The following GNAQ variants were observed in gnomAD, a reference collection of about 807,000 sequenced individuals.
GNAQ encodes the protein G protein subunit alpha q, also known as guanine nucleotide-binding protein G(q) subunit alpha.
A neutral mutation model predicts 43.9 loss-of-function variants in GNAQ; 8 were observed. That is an observed-to-expected ratio of 0.18 (90% CI 0.11 to 0.33). The LOEUF is 0.33. Ranked by LOEUF, GNAQ falls within the 10% of genes least tolerant of loss-of-function variation. The pLI is 1.00. For synonymous variants in GNAQ, 155 were observed against 170.7 expected, an observed-to-expected ratio of 0.91 and a Z score of 0.71; for missense variants, 158 against 450.8, an observed-to-expected ratio of 0.35 and a Z score of 5.88.
At chr9:77,905,328 T>C (rs1828687957) in intron 2 of GNAQ, among the ~76,000 whole-genome samples, 1 of 152,202 alleles carries the variant, frequency 6.6e-6, no homozygotes, top group Non-Finnish European at 1.5e-5. Flanking sequence ...AATAATCTGA[T>C]TAAAATCAGA....
chr9:77,953,258 T>C (rs1198843777), intron 1 of GNAQ, among the ~76,000 whole-genome samples: 2 of 152,248 alleles, frequency 1.3e-5, no homozygotes, highest in African/African-American at 4.8e-5. Context: ...CAGGTCTATT[T>C]ACACAAGTTC....
intron 1 of GNAQ, among the ~76,000 whole-genome samples, chr9:77,991,124 A>G (rs2118521619): frequency 6.6e-6 from 1 of 152,352 alleles, no homozygotes; most frequent in African/African-American, 2.4e-5. Flanking sequence ...CTGTTTCTAT[A>G]CCAGTTTGAG....
chr9:77,809,197 C>T (rs186393097), intron 3 of GNAQ, among the ~76,000 whole-genome samples: 53 of 152,280 alleles, frequency 3.5e-4, no homozygotes, highest in African/African-American at 6.7e-4. Flanking sequence ...ATGTTCTTTA[C>T]GGGCTCCGGA....
At chr9:77,942,847 G>C (rs1470161335) in intron 1 of GNAQ, among the ~76,000 whole-genome samples, 1 of 152,114 alleles carries the variant, frequency 6.6e-6, no homozygotes, top group East Asian at 1.9e-4. Context: ...TTATCTTTTT[G>C]TCTGTATTTT....
intron 3 of GNAQ, among the ~76,000 whole-genome samples, chr9:77,809,591 G>T (rs1826881761): frequency 6.6e-6 from 1 of 152,100 alleles, no homozygotes; most frequent in Non-Finnish European, 1.5e-5. Flanking sequence ...CAACTCCCTA[G>T]GATCTTAGAA....
intron 1 of GNAQ, among the ~76,000 whole-genome samples, chr9:77,942,088 A>G (rs1383328253): frequency 1.5e-4 from 23 of 152,232 alleles, no homozygotes; most frequent in Non-Finnish European, 2.9e-5. Flanking sequence ...TTAAAATGGT[A>G]TATTTTGTAA....
chr9:77,940,268 TAACA>T (rs1315646498), intron 1 of GNAQ, among the ~76,000 whole-genome samples: 1 of 152,146 alleles, frequency 6.6e-6, no homozygotes. Flanking sequence ...TGAACTCCCA[TAACA>T]AACAATCCTT....
At position 77,777,850 on chromosome 9, in the gene GNAQ, G is replaced by A. The variant is rs561372076; in HGVS notation, c.735+16613C>T. Among the ~76,000 whole-genome samples, 87 of 152,014 alleles carry A rather than the reference G, an allele frequency of 5.7e-4. No individual in the cohort carries two copies. In the South Asian group the frequency reaches 0.013, roughly 23 times the overall value. ...GGCTAGCATAAGGAGAAACTGGAAC[G>A]CTAACACATTGCTGGTAGGACTGTA... On this transcript the variant is annotated intron_variant, in intron 5 of 6. Transcript: ENST00000286548.
chr9:77,759,804 C>T (rs1825960492), intron 5 of GNAQ, among the ~76,000 whole-genome samples: 1 of 152,188 alleles, frequency 6.6e-6, no homozygotes, highest in South Asian at 2.1e-4. Flanking sequence ...GCTCAGTTTT[C>T]TGAGCCTTTT....
chr9:77,969,851 C>A (rs1349091674), intron 1 of GNAQ, among the ~76,000 whole-genome samples: 1 of 152,144 alleles, frequency 6.6e-6, no homozygotes, highest in Non-Finnish European at 1.5e-5. Context: ...GCATGCATTC[C>A]GTAGACACAG....
chr9:77,719,863 T>A lies in GNAQ; in HGVS notation c.*1460A>T, dbSNP rs2118185210. 1 of 232,526 alleles carries A rather than the reference T, an allele frequency of 4.3e-6. No homozygotes were observed. Among genetic ancestry groups the A allele is most frequent in the Admixed American group, 5.6e-5 (1 of 17,756 alleles). The allele number at this position is 232,526 out of a possible 1,614,324, so 14.4% of individuals were successfully genotyped here. On this transcript the variant is annotated 3_prime_UTR_variant, in exon 7 of 7. Transcript: ENST00000286548. ...GTTACTTTTGAGTTAAGTCCACAAA[T>A]CTTCCATAAGTTCAACCTAATCAGT... is the stretch of plus-strand genomic sequence containing the variant.
chr9:77,753,103 A>AG (rs1825840995), intron 5 of GNAQ, among the ~76,000 whole-genome samples: 2 of 150,532 alleles, frequency 1.3e-5, no homozygotes, highest in Admixed American at 6.6e-5. Flanking sequence ...AAAAAAAAAA[A>AG]AAAGAAAAAG....
At chr9:77,955,030 C>T (rs1823025621) in intron 1 of GNAQ, among the ~76,000 whole-genome samples, 1 of 152,178 alleles carries the variant, frequency 6.6e-6, no homozygotes, top group South Asian at 2.1e-4. Flanking sequence ...AGATCATAAG[C>T]CTGAAGTAGT....
At chr9:77,900,289 A>C (rs572863735) in intron 2 of GNAQ, among the ~76,000 whole-genome samples, 1 of 152,216 alleles carries the variant, frequency 6.6e-6, no homozygotes, top group African/African-American at 2.4e-5. Context: ...ACACAGTCAA[A>C]AAAGATCCTT....
At chr9:77,881,014 A>G (rs1828199025) in intron 2 of GNAQ, among the ~76,000 whole-genome samples, 3 of 152,170 alleles carry the variant, frequency 2.0e-5, no homozygotes, top group Admixed American at 1.3e-4. Flanking sequence ...CAGGCTCACC[A>G]TAGGAGTTAG....
intron 1 of GNAQ, among the ~76,000 whole-genome samples, chr9:77,980,280 A>C (rs985336007): frequency 3.3e-5 from 5 of 152,244 alleles, no homozygotes; most frequent in Non-Finnish European, 7.3e-5. Flanking sequence ...ACCAGTGCTG[A>C]GTAACACCAG....
intron 2 of GNAQ, among the ~76,000 whole-genome samples, chr9:77,920,436 G>C (rs1355780296): frequency 6.6e-6 from 1 of 152,038 alleles, no homozygotes; most frequent in African/African-American, 2.4e-5. Flanking sequence ...TGGTAAGTCA[G>C]GCAGAATTCA....
At chr9:78,011,233 A>C (rs1823769052) in intron 1 of GNAQ, among the ~76,000 whole-genome samples, 1 of 152,334 alleles carries the variant, frequency 6.6e-6, no homozygotes, top group South Asian at 2.1e-4. Context: ...CAGACAACTG[A>C]ACAGCTAAAA....
intron 1 of GNAQ, among the ~76,000 whole-genome samples, chr9:78,023,171 G>A (rs147050920): frequency 6.6e-6 from 1 of 152,322 alleles, no homozygotes; most frequent in Non-Finnish European, 1.5e-5. Context: ...AAAGGAAGGA[G>A]GATTTTACAT....
Sources: gnomAD v4.1 joint callset for allele counts (sites outside exome capture counted in the v4.1 genomes callset) on GRCh38, gnomAD v4.1.1 for gene constraint, MANE v1.5 for transcripts, NCBI Gene and HGNC (gene_info 2026-07-23, HGNC 2026-07-21) for gene names.